Variants in CHD2 observed in about 807,000 individuals in gnomAD.
The protein encoded by CHD2 is ATP-dependent chromatin remodeler CHD2.
A neutral mutation model predicts 243.9 loss-of-function variants in CHD2; 28 were observed. The observed-to-expected ratio is 0.11, with a 90% CI of 0.09 to 0.16. The LOEUF (loss-of-function observed/expected upper bound fraction) is 0.16, where lower values mean the gene tolerates loss of function less well. Among genes scored for constraint, CHD2 ranks in the 10% least tolerant of loss-of-function variants. The pLI is 1.00. For synonymous variants in CHD2, 775 were observed against 779.0 expected (o/e 0.99, Z 0.09); for missense variants, 1,386 against 2,209.8 (o/e 0.63, Z 7.47).
chr15:92,996,621 A>G (rs1483595722), intron 28 of CHD2, among the ~76,000 whole-genome samples: 1 of 152,190 alleles, frequency 6.6e-6, no homozygotes, highest in Non-Finnish European at 1.5e-5. Context: ...GGGTAGGAAA[A>G]CAAAAAGAGA....
intron 19 of CHD2, among the ~76,000 whole-genome samples, chr15:92,974,231 G>A (rs1030782151): frequency 6.6e-6 from 1 of 152,178 alleles, no homozygotes; most frequent in Non-Finnish European, 1.5e-5. Flanking sequence ...ATGTAGAACT[G>A]ACATATGTTC....
Position 92,997,121 on chromosome 15 carries a change from A to T in CHD2, c.3734+26A>T. On this transcript the variant is annotated intron_variant, in intron 29 of 38. Coordinates refer to ENST00000394196, the MANE Select transcript of CHD2 (RefSeq NM_001271.4). The surrounding 1 kb of genome is among the most constrained non-coding windows in gnomAD (Gnocchi z 4.1). ...GTGAGTATATTTTGTGTACATGCTT[A>T]GATGGTCGTACCGTAAGAAAATAGA... The T allele has an allele frequency of 6.2e-7, 1 of 1,607,008 alleles. No individual in the cohort carries two copies. The highest frequency in any genetic ancestry group is 1.7e-5 in the Admixed American group (1 of 58,332).
intron 20 of CHD2, among the ~76,000 whole-genome samples, chr15:92,977,362 A>C (rs931578592): frequency 6.6e-6 from 1 of 152,152 alleles, no homozygotes; most frequent in Non-Finnish European, 1.5e-5. Context: ...TTTTCATTGC[A>C]TCTCTATGTG....
chr15:92,953,733 C>T (rs376122382), intron 14 of CHD2, 160 bp downstream of exon 14: 10 of 648,886 alleles, frequency 1.5e-5, no homozygotes, highest in African/African-American at 1.5e-4. Flanking sequence ...AAAAGTGCAA[C>T]TCAGATGTTC....
At chr15:92,924,855 C>T (rs1372965689) in intron 3 of CHD2, among the ~76,000 whole-genome samples, 1 of 152,098 alleles carries the variant, frequency 6.6e-6, no homozygotes, top group East Asian at 1.9e-4. Context: ...CTGGAGTGCG[C>T]AGTGGCACGA....
Position 92,980,734 on chromosome 15 carries a change from C to G in CHD2, c.2877-81C>G, listed in dbSNP as rs903651345. 3 of 994,820 alleles carry G rather than the reference C, an allele frequency of 3.0e-6. No individual in the cohort carries two copies. The Admixed American group carries it at 7.1e-5, about 24-fold the overall frequency. 61.6% of individuals were successfully genotyped at this position (994,820 alleles called of 1,614,324 possible). ...ATATTTTCAGCAGTTAACTTGACCT[C>G]TTTCTGAAGGATAGTTATTCTGAAG... is the stretch of plus-strand genomic sequence containing the variant. On this transcript the variant is annotated intron_variant, in intron 22 of 38. Transcript: ENST00000394196.
chr15:92,907,497 A>T (rs1159032475), intron 2 of CHD2, among the ~76,000 whole-genome samples: 1 of 152,176 alleles, frequency 6.6e-6, no homozygotes, highest in East Asian at 1.9e-4. Context: ...TTTAATTCTG[A>T]TGAGTCATTT....
intron 34 of CHD2, among the ~76,000 whole-genome samples, chr15:93,005,659 C>G (rs912867381): frequency 1.3e-5 from 2 of 152,160 alleles, no homozygotes; most frequent in African/African-American, 4.8e-5. Flanking sequence ...AACCTATACA[C>G]GTATGTATAT....
chr15:93,011,572 G>A (rs2054394721), intron 35 of CHD2, among the ~76,000 whole-genome samples: 1 of 152,188 alleles, frequency 6.6e-6, no homozygotes, highest in Non-Finnish European at 1.5e-5. Flanking sequence ...TAGTTAGGGA[G>A]CCTGTACAGG....
rs560421440 is a variant in CHD2, at chr15:93,000,420, C to A, written c.4009-92C>A. On this transcript the variant is annotated intron_variant, in intron 31 of 38. Transcript: ENST00000394196. The stretch of plus-strand genomic sequence containing the variant: ...GAATTTTCTTGTTTGAATTATATGG[C>A]TGCTACTGCTTTAAAGAGTCATCAT... 8.9e-6 allele frequency: 11 copies of A among 1,242,358 alleles called. No homozygotes were observed. In the South Asian group the frequency reaches 1.8e-4, roughly 20 times the overall value. The allele number at this position is 1,242,358 out of a possible 1,614,324, so 77.0% of individuals were successfully genotyped here.
chr15:92,989,836 A>T (rs1011120491), intron 26 of CHD2, among the ~76,000 whole-genome samples: 6 of 152,224 alleles, frequency 3.9e-5, no homozygotes, highest in Non-Finnish European at 8.8e-5. Context: ...GAGTCTGATG[A>T]TGACAAGAAG....
chr15:92,960,732 T>TTTTA lies in CHD2; in HGVS notation c.2000+4083_2000+4084insTTTA, dbSNP rs1305336683. Among the ~76,000 whole-genome samples, 20 of 146,278 alleles carry TTTTA rather than the reference T, an allele frequency of 1.4e-4. 1 individual carries two copies. Among genetic ancestry groups the TTTTA allele is most frequent in the South Asian group, 6.5e-4 (3 of 4,590 alleles). ...TTTTTTTTTTTTTTTTTTTTTTTTT[T>TTTTA]AAGACAGAGTTTCCGTCTGTTGCCC... On this transcript the variant is annotated intron_variant, in intron 16 of 38. Coordinates refer to ENST00000394196, the MANE Select transcript of CHD2 (RefSeq NM_001271.4).
At chr15:92,927,164 C>T (rs996652543) in intron 3 of CHD2, 80 bp from the exon 4 acceptor site, 1 of 1,022,578 alleles carries the variant, frequency 9.8e-7, no homozygotes, top group Non-Finnish European at 1.5e-6. Flanking sequence ...TACTTGAATT[C>T]TCTTCAATTG....
rs749555682 is a variant in CHD2, at chr15:93,012,420, T to C, written c.4668T>C (p.His1556=). The C allele has an allele frequency of 2.5e-6, 4 of 1,604,986 alleles. No homozygotes were observed. Among genetic ancestry groups the C allele is most frequent in the Non-Finnish European group, 3.4e-6 (4 of 1,176,950 alleles). The change falls in exon 36 of 39, where the codon CAT becomes CAC. Residue 1556 remains histidine, a synonymous_variant. Coordinates refer to ENST00000394196, the MANE Select transcript of CHD2 (RefSeq NM_001271.4). ...RKLHKLYKMA[H]KKRSQEEEEQ... ...TGCATAAGTTATACAAGATGGCTCA[T>C]AAGAAAAGGTCTCAAGAAGAAGAGG...
intron 28 of CHD2, among the ~76,000 whole-genome samples, chr15:92,993,690 C>A (rs2054151064): frequency 6.6e-6 from 1 of 152,206 alleles, no homozygotes; most frequent in Non-Finnish European, 1.5e-5. Context: ...CGCCTGTAAT[C>A]CCAGCAGTTT....
chr15:93,015,646 T>C (rs1319290277), intron 37 of CHD2, among the ~76,000 whole-genome samples: 1 of 152,196 alleles, frequency 6.6e-6, no homozygotes, highest in African/African-American at 2.4e-5. Context: ...TGTAAGGAAC[T>C]CAGCTCCTTA....
intron 2 of CHD2, chr15:92,905,084 C>G (rs1277898348): frequency 7.8e-7 from 1 of 1,286,524 alleles, no homozygotes; most frequent in Admixed American, 2.3e-5. Flanking sequence ...ATTTCACGTT[C>G]AATAACATTA....
chr15:92,963,733 A>G (rs567167228), intron 16 of CHD2, among the ~76,000 whole-genome samples: 50 of 152,322 alleles, frequency 3.3e-4, no homozygotes, highest in African/African-American at 1.2e-3. Flanking sequence ...CAATAAGTAG[A>G]TAGACGAAGA....
rs2053325222 is a variant in CHD2, at chr15:92,939,644, T to A, written c.618T>A (p.Asp206Glu). The A allele has an allele frequency of 3.1e-6, 5 of 1,614,136 alleles. No homozygotes were observed. The highest frequency in any genetic ancestry group is 4.2e-6 in the Non-Finnish European group (5 of 1,180,012). ...AGCGTGGAAAGAGAAAAAAGCAAGA[T>A]TCTTCTGATGAGGATGATGATGATG... Reference protein sequence around the residue: ...KTQRGKRKKQDSSDEDDDDDE... With the variant: ...KTQRGKRKKQESSDEDDDDDE... Residue 206 changes from aspartate to glutamate, a missense_variant, in exon 7 of 39, where the codon GAT becomes GAA. Physicochemically the swap from Asp to Glu is conservative, Grantham distance 45. Coordinates refer to ENST00000394196, the MANE Select transcript of CHD2 (RefSeq NM_001271.4).
Sources: gnomAD v4.1 joint callset for allele counts (sites outside exome capture counted in the v4.1 genomes callset) on GRCh38, gnomAD v4.1.1 for gene constraint, Gnocchi (gnomAD v3.1) non-coding constraint, MANE v1.5 for transcripts, NCBI Gene and HGNC (gene_info 2026-07-23, HGNC 2026-07-21) for gene names.